Variants in RBM19 observed in about 807,000 individuals in gnomAD.
RBM19 encodes RNA binding motif protein 19.
In RBM19, 94 loss-of-function variants were observed where a neutral mutation model predicts 116.8. That is an observed-to-expected ratio of 0.80 (90% CI 0.68 to 0.95). The LOEUF (loss-of-function observed/expected upper bound fraction) is 0.95. RBM19 is among the 40% of genes least tolerant of loss of function. RBM19 has a pLI of 0.00. For missense variants in RBM19, 1,161 were observed against 1,220.7 expected, an observed-to-expected ratio of 0.95 and a Z score of 0.73; for synonymous variants, 475 against 494.1, an observed-to-expected ratio of 0.96 and a Z score of 0.51.
chr12:113,897,939 C>G (rs1314207752), intron 21 of RBM19, among the ~76,000 whole-genome samples: 4 of 152,198 alleles, frequency 2.6e-5, no homozygotes, highest in Admixed American at 2.0e-4. Context: ...CAAGGAGCAC[C>G]AGAAGCTTCA....
chr12:113,888,121 A>G (rs1170097360), intron 21 of RBM19, among the ~76,000 whole-genome samples: 1 of 152,234 alleles, frequency 6.6e-6, no homozygotes, highest in Non-Finnish European at 1.5e-5. Flanking sequence ...GCCAACCATC[A>G]GAAAGCTGGA....
intron 23 of RBM19, among the ~76,000 whole-genome samples, chr12:113,843,644 G>T (rs71467939): frequency 6.6e-6 from 1 of 152,234 alleles, no homozygotes; most frequent in African/African-American, 2.4e-5. Context: ...ATGGGAGGCG[G>T]AGGTGTGGAG....
chr12:113,956,361 A>G (rs540243446), intron 6 of RBM19, among the ~76,000 whole-genome samples: 31 of 152,114 alleles, frequency 2.0e-4, no homozygotes, highest in Non-Finnish European at 3.5e-4. Flanking sequence ...TGGGTTGATC[A>G]CTTGAGGCCA....
At chr12:113,932,586 C>G (rs999467347) in intron 16 of RBM19, 50 of 152,334 alleles carry the variant, frequency 3.3e-4, no homozygotes, top group African/African-American at 1.2e-3. Context: ...TACTGCTCCC[C>G]GAGTCACCAG....
intron 2 of RBM19, among the ~76,000 whole-genome samples, chr12:113,961,184 G>A (rs928325055): frequency 7.9e-5 from 12 of 152,082 alleles, no homozygotes; most frequent in East Asian, 1.9e-4. Flanking sequence ...CACCATGCCC[G>A]GCTAATTTTT....
Position 113,948,900 on chromosome 12 carries a change from C to T in RBM19, c.1209G>A (p.Arg403=), listed in dbSNP as rs767911178. The change falls in exon 10 of 24, where the codon AGG becomes AGA. Residue 403 remains arginine, a synonymous_variant. Transcript: ENST00000261741. ...TGTAGGGCAGGTTCCGTACAAAGAG[C>T]CTTCCGGATTCGGCCAGGTCCTCCT... ...EEEEDLAESG[R]LFVRNLPYTS... is the part of the protein sequence containing the mutation. The T allele has an allele frequency of 2.5e-6, 4 of 1,614,094 alleles. No homozygotes were observed. Among genetic ancestry groups the T allele is most frequent in the Non-Finnish European group, 2.5e-6 (3 of 1,180,040 alleles).
downstream of RBM19, among the ~76,000 whole-genome samples, chr12:113,819,866 T>C (rs1008841097): frequency 2.6e-5 from 4 of 152,252 alleles, no homozygotes; most frequent in Non-Finnish European, 4.4e-5. Flanking sequence ...GCTACCTGGC[T>C]GTACTTTACT....
chr12:113,923,514 C>T (rs891328432), intron 18 of RBM19, among the ~76,000 whole-genome samples: 2 of 152,238 alleles, frequency 1.3e-5, no homozygotes, highest in African/African-American at 4.8e-5. Flanking sequence ...CCCTCCATGG[C>T]TCCCCAGTAC....
downstream of RBM19, among the ~76,000 whole-genome samples, chr12:113,820,120 T>A (rs1308397183): frequency 6.6e-6 from 1 of 151,692 alleles, no homozygotes; most frequent in Non-Finnish European, 1.5e-5. Context: ...CAGGAGTCTG[T>A]CTCCCTCAGT....
At chr12:113,842,049 G>A (rs1876531696) in intron 23 of RBM19, among the ~76,000 whole-genome samples, 1 of 152,246 alleles carries the variant, frequency 6.6e-6, no homozygotes. Context: ...TGAATGGGAA[G>A]ATGTAGGCAA....
intron 21 of RBM19, among the ~76,000 whole-genome samples, chr12:113,861,004 G>C (rs1878319084): frequency 6.6e-6 from 1 of 152,214 alleles, no homozygotes; most frequent in African/African-American, 2.4e-5. Flanking sequence ...AATACACATA[G>C]CACAAATGTG....
chr12:113,862,652 G>T (rs1313133828), intron 21 of RBM19, among the ~76,000 whole-genome samples: 1 of 152,138 alleles, frequency 6.6e-6, no homozygotes, highest in East Asian at 1.9e-4. Context: ...GGGCGAAGCT[G>T]CGCAGGGCCA....
chr12:113,893,790 C>T (rs991067830), intron 21 of RBM19, among the ~76,000 whole-genome samples: 3 of 152,232 alleles, frequency 2.0e-5, no homozygotes, highest in African/African-American at 7.2e-5. Flanking sequence ...GTTTTTGGCT[C>T]TTTCAATTGA....
intron 23 of RBM19, among the ~76,000 whole-genome samples, chr12:113,829,585 A>C (rs1400530320): frequency 6.6e-6 from 1 of 152,236 alleles, no homozygotes; most frequent in African/African-American, 2.4e-5. Flanking sequence ...AAAACTCCAC[A>C]GGATAAACTA....
At chr12:113,826,247 T>C (rs1216429245) in intron 23 of RBM19, among the ~76,000 whole-genome samples, 1 of 152,228 alleles carries the variant, frequency 6.6e-6, no homozygotes, top group Non-Finnish European at 1.5e-5. Context: ...TGTCTCCCGG[T>C]CTCACTGTGT....
intron 21 of RBM19, among the ~76,000 whole-genome samples, chr12:113,910,920 C>A (rs548757194): frequency 6.8e-4 from 103 of 152,312 alleles, no homozygotes; most frequent in Non-Finnish European, 1.3e-3. Flanking sequence ...ACACTCAGGC[C>A]CGATCCAGGC....
intron 15 of RBM19, among the ~76,000 whole-genome samples, chr12:113,939,558 G>T (rs1455132573): frequency 6.7e-6 from 1 of 149,922 alleles, no homozygotes; most frequent in Non-Finnish European, 1.5e-5. Flanking sequence ...GACCATCCTG[G>T]TGAACACGGT....
intron 21 of RBM19, among the ~76,000 whole-genome samples, chr12:113,880,039 C>T (rs2135786367): frequency 6.6e-6 from 1 of 151,610 alleles, no homozygotes; most frequent in Admixed American, 6.6e-5. Flanking sequence ...GACTGTCTCC[C>T]CAAAGCCCGT....
intron 20 of RBM19, among the ~76,000 whole-genome samples, chr12:113,916,096 T>A (rs1566014838): frequency 6.6e-6 from 1 of 152,234 alleles, no homozygotes; most frequent in Non-Finnish European, 1.5e-5. Flanking sequence ...CACATGTGGC[T>A]AGTTGAATCT....
Sources: gnomAD v4.1 joint callset for allele counts (sites outside exome capture counted in the v4.1 genomes callset) on GRCh38, gnomAD v4.1.1 for gene constraint, MANE v1.5 for transcripts, NCBI Gene and HGNC (gene_info 2026-07-23, HGNC 2026-07-21) for gene names.